NOX3: variants seen among roughly 807,000 people sequenced by gnomAD.
NOX3 encodes the protein NADPH oxidase 3.
Under a neutral mutation model 76.7 loss-of-function variants are expected in NOX3, and 74 were observed. The ratio of observed to expected loss-of-function variants is 0.96; its 90% CI spans 0.80 to 1.17. The LOEUF (loss-of-function observed/expected upper bound fraction) is 1.17, where lower values mean the gene tolerates loss of function less well. Ranked by LOEUF, NOX3 falls within the 50% of genes most tolerant of loss-of-function variation. The pLI is 0.00. For synonymous variants in NOX3, 263 were observed against 261.1 expected (o/e 1.01, Z -0.07); for missense variants, 695 against 703.3 (o/e 0.99, Z 0.13).
intron 11 of NOX3, 133 bp downstream of exon 11, chr6:155,411,081 C>T (rs960451563): frequency 1.8e-5 from 12 of 658,900 alleles, no homozygotes; most frequent in Non-Finnish European, 2.5e-5. Context: ...ATTTTATTCT[C>T]CTTTCCCTTT....
Position 155,396,946 on chromosome 6 carries a change from ACACGC to A in NOX3, c.1592_1596del (p.Gly531ValfsTer6). 1 of 1,610,064 alleles carries A rather than the reference ACACGC, an allele frequency of 6.2e-7. No homozygotes were observed. The highest frequency in any genetic ancestry group is 8.5e-7 in the Non-Finnish European group (1 of 1,178,466). ...GAGAGAGCTTTAGGTCCACAGAAGA[ACACGC>A]CAATACTGCTGCTGCAGTAGGGGTA... is the stretch of plus-strand genomic sequence containing the variant. On this transcript the variant is annotated frameshift_variant, in exon 13 of 14. Transcript: ENST00000159060. LOFTEE classifies it high-confidence loss of function.
intron 12 of NOX3, among the ~76,000 whole-genome samples, chr6:155,405,365 C>A (rs1237465153): frequency 2.0e-5 from 3 of 152,154 alleles, no homozygotes; most frequent in Non-Finnish European, 4.4e-5. Flanking sequence ...TGTGACCTGT[C>A]AATACAGTGT....
intron 9 of NOX3, 74 bp from the exon 10 acceptor site, chr6:155,422,930 T>C: frequency 1.3e-6 from 2 of 1,506,006 alleles, no homozygotes; most frequent in Non-Finnish European, 1.8e-6. Context: ...CATCCGGAGC[T>C]GGTGCTTTTT....
chr6:155,442,911 C>G (rs576621090), intron 5 of NOX3, among the ~76,000 whole-genome samples: 1 of 152,268 alleles, frequency 6.6e-6, no homozygotes, highest in Admixed American at 6.5e-5. Context: ...CTGTGTTTAG[C>G]TGGCACTTCA....
intron 6 of NOX3, 133 bp from the exon 7 acceptor site, chr6:155,436,680 G>C (rs1261508202): frequency 1.1e-6 from 1 of 870,570 alleles, no homozygotes; most frequent in Non-Finnish European, 1.7e-6. Flanking sequence ...TGAAACTCGG[G>C]CTGTCATTCA....
At chr6:155,434,842 G>A (rs1776880706) in intron 7 of NOX3, among the ~76,000 whole-genome samples, 3 of 152,194 alleles carry the variant, frequency 2.0e-5, no homozygotes, top group Non-Finnish European at 2.9e-5. Flanking sequence ...GGTACAAAAC[G>A]TTATCTGTCC....
chr6:155,440,712 T>C (rs1248512856), intron 5 of NOX3, among the ~76,000 whole-genome samples: 1 of 151,464 alleles, frequency 6.6e-6, no homozygotes, highest in Non-Finnish European at 1.5e-5. Flanking sequence ...AGTGATTATG[T>C]TGAATTGAAA....
intron 8 of NOX3, among the ~76,000 whole-genome samples, 154 bp from the exon 9 acceptor site, chr6:155,429,201 C>T (rs750674427): frequency 2.0e-5 from 3 of 152,190 alleles, no homozygotes; most frequent in South Asian, 2.1e-4. Context: ...TATGTGCCAT[C>T]GCTTTCACAT....
chr6:155,417,454 C>A (rs543774610), intron 10 of NOX3, among the ~76,000 whole-genome samples: 24 of 152,138 alleles, frequency 1.6e-4, no homozygotes, highest in Non-Finnish European at 3.5e-4. Flanking sequence ...GTTAATAAAC[C>A]AAGATATTAA....
At chr6:155,452,723 A>G (rs1777163750) in intron 4 of NOX3, among the ~76,000 whole-genome samples, 1 of 152,138 alleles carries the variant, frequency 6.6e-6, no homozygotes, top group Non-Finnish European at 1.5e-5. Context: ...GTCCTGAATC[A>G]TAACTCCTTA....
intron 4 of NOX3, among the ~76,000 whole-genome samples, chr6:155,451,504 G>A (rs746942613): frequency 5.9e-5 from 9 of 152,238 alleles, no homozygotes; most frequent in African/African-American, 2.2e-4. Flanking sequence ...TTCATTATAC[G>A]TTTCTAATGC....
chr6:155,421,462 C>G (rs1325155013), intron 10 of NOX3, among the ~76,000 whole-genome samples: 3 of 152,170 alleles, frequency 2.0e-5, no homozygotes, highest in Non-Finnish European at 4.4e-5. Flanking sequence ...GCCTGGGATG[C>G]TTCACAGAAT....
chr6:155,431,010 C>G (rs543032695), intron 7 of NOX3, 75 bp from the exon 8 acceptor site: 134 of 906,988 alleles, frequency 1.5e-4, no homozygotes, highest in Non-Finnish European at 2.2e-4. Flanking sequence ...TGAACCAAAT[C>G]AATATACAAC....
At chr6:155,440,806 A>G (rs553529502) in intron 5 of NOX3, among the ~76,000 whole-genome samples, 239 of 152,340 alleles carry the variant, frequency 1.6e-3, no homozygotes, top group Non-Finnish European at 2.9e-3. Context: ...CAAAATAACT[A>G]TGTGGATCAC....
chr6:155,425,255 T>C (rs1396380335), intron 9 of NOX3, among the ~76,000 whole-genome samples: 1 of 152,202 alleles, frequency 6.6e-6, no homozygotes. Context: ...GACATCCCAG[T>C]TGTTCTTTTT....
rs772595359 is a variant in NOX3, at chr6:155,454,923, T to G, written c.145-2A>C. On this transcript the variant is annotated splice_acceptor_variant, in intron 2 of 13. Transcript: ENST00000159060. LOFTEE classifies it high-confidence loss of function. ...TGCTCGTGCCCAAGCCAGTGTTGAC[T>G]GTCCACATGTAAAGACATAAAAAAG... 6.2e-7 allele frequency: 1 copy of G among 1,605,354 alleles called. No homozygotes were observed. The highest frequency in any genetic ancestry group is 1.1e-5 in the South Asian group (1 of 90,142).
At position 155,422,717 on chromosome 6, in the gene NOX3, G is replaced by A. The variant is rs991107760; in HGVS notation, c.1285C>T (p.Gln429Ter). 3 of 1,614,154 alleles carry A rather than the reference G, an allele frequency of 1.9e-6. No individual in the cohort carries two copies. Among genetic ancestry groups the A allele is most frequent in the Admixed American group, 3.3e-5 (2 of 60,024 alleles). ...ACCTTGCTCAGCTTCAGTGGGGTCT[G>A]TGCCTCACTGCATTTGTACCATATA... is the stretch of plus-strand genomic sequence containing the variant. The part of the protein sequence containing the change: ...KSIWYKCSEA[Q>*]TPLKLSKVYF... The change falls in exon 10 of 14, where the codon CAG becomes TAG. Residue 429 changes from glutamine to a stop codon, truncating the protein, a stop_gained. Transcript: ENST00000159060. LOFTEE classifies it high-confidence loss of function.
At chr6:155,443,063 A>T (rs1025708856) in intron 5 of NOX3, among the ~76,000 whole-genome samples, 1 of 152,198 alleles carries the variant, frequency 6.6e-6, no homozygotes, top group African/African-American at 2.4e-5. Context: ...TAATTAGGTG[A>T]CATATCTTTT....
intron 4 of NOX3, among the ~76,000 whole-genome samples, chr6:155,451,820 CT>C (rs1480773353): frequency 6.6e-6 from 1 of 151,742 alleles, no homozygotes; most frequent in Non-Finnish European, 1.5e-5. Context: ...TAGAGACGGG[CT>C]TTCACTATGT....
Sources: allele counts gnomAD v4.1 joint callset (sites outside exome capture counted in the v4.1 genomes callset), GRCh38; gene constraint gnomAD v4.1.1; transcripts MANE v1.5; gene names NCBI Gene and HGNC (gene_info 2026-07-23, HGNC 2026-07-21).